PDGFRL: variants seen among roughly 807,000 people sequenced by gnomAD.
PDGFRL encodes platelet derived growth factor receptor like.
Under a neutral mutation model 37.2 loss-of-function variants are expected in PDGFRL, and 46 were observed. The observed-to-expected ratio is 1.24, with a 90% confidence interval of 0.98 to 1.58. PDGFRL has a LOEUF of 1.58. Among genes scored for constraint, PDGFRL ranks in the 40% most tolerant of loss-of-function variants. The pLI is 0.00. For missense variants in PDGFRL, 692 were observed against 467.6 expected, an observed-to-expected ratio of 1.48 and a Z score of -4.43; for synonymous variants, 251 against 184.3, an observed-to-expected ratio of 1.36 and a Z score of -2.93.
chr8:17,623,459 G>C (rs1804671323), intron 3 of PDGFRL, among the ~76,000 whole-genome samples: 2 of 152,230 alleles, frequency 1.3e-5, no homozygotes, highest in African/African-American at 4.8e-5. Context: ...GTCAATGACT[G>C]ATTCCACATT....
intron 3 of PDGFRL, among the ~76,000 whole-genome samples, chr8:17,624,674 C>G (rs545663629): frequency 6.6e-6 from 1 of 152,266 alleles, no homozygotes; most frequent in African/African-American, 2.4e-5. Flanking sequence ...TTTGGGAAGC[C>G]GAGGCAGGCG....
intron 2 of PDGFRL, among the ~76,000 whole-genome samples, chr8:17,611,209 GA>G: frequency 1.3e-5 from 2 of 152,246 alleles, no homozygotes; most frequent in East Asian, 3.9e-4. Context: ...CCAACCAGAT[GA>G]TCTTTAAGGT....
intron 2 of PDGFRL, among the ~76,000 whole-genome samples, chr8:17,597,918 G>A (rs1171319003): frequency 6.6e-6 from 1 of 152,174 alleles, no homozygotes; most frequent in Non-Finnish European, 1.5e-5. Flanking sequence ...GGATTTTTAT[G>A]TAGATCTCCT....
At chr8:17,611,441 G>A (rs1804409580) in intron 2 of PDGFRL, among the ~76,000 whole-genome samples, 1 of 152,230 alleles carries the variant, frequency 6.6e-6, no homozygotes, top group Non-Finnish European at 1.5e-5. Context: ...ACTCCTGAGT[G>A]CATGCTCTTA....
chr8:17,634,292 C>T (rs1804925008), intron 5 of PDGFRL, 79 bp downstream of exon 5: 2 of 1,169,430 alleles, frequency 1.7e-6, no homozygotes, highest in Non-Finnish European at 1.2e-6. Context: ...ACAGCTTCGT[C>T]CCCACCCAGT....
chr8:17,584,019 C>T (rs1333403674), intron 1 of PDGFRL, among the ~76,000 whole-genome samples: 3 of 152,260 alleles, frequency 2.0e-5, no homozygotes, highest in African/African-American at 7.2e-5. Context: ...CAGTGGAAGC[C>T]AGGGGCTGCT....
chr8:17,602,450 G>C (rs1380225674), intron 2 of PDGFRL, among the ~76,000 whole-genome samples: 2 of 152,190 alleles, frequency 1.3e-5, no homozygotes, highest in African/African-American at 4.8e-5. Context: ...CGGTCTGATG[G>C]AGGTAGCTTC....
At chr8:17,628,412 C>T in intron 3 of PDGFRL, 75 bp from the exon 4 acceptor site, 1 of 1,156,072 alleles carries the variant, frequency 8.6e-7, no homozygotes, top group Non-Finnish European at 1.3e-6. Flanking sequence ...TCAGAGTATG[C>T]TGCCAAAATC....
At chr8:17,609,736 TGATGTG>T (rs1401209125) in intron 2 of PDGFRL, among the ~76,000 whole-genome samples, 1 of 149,970 alleles carries the variant, frequency 6.7e-6, no homozygotes, top group Non-Finnish European at 1.5e-5. Flanking sequence ...GGAGAACCAC[TGATGTG>T]GCTTGAACCC....
At chr8:17,585,378 ATC>A (rs1373894870) in intron 1 of PDGFRL, among the ~76,000 whole-genome samples, 1 of 152,062 alleles carries the variant, frequency 6.6e-6, no homozygotes, top group African/African-American at 2.4e-5. Flanking sequence ...TCTGGTTCGA[ATC>A]TCTGACAGTA....
At chr8:17,616,724 TAGG>T (rs1804537670) in intron 2 of PDGFRL, among the ~76,000 whole-genome samples, 1 of 152,156 alleles carries the variant, frequency 6.6e-6, no homozygotes. Context: ...GCATGTTGTG[TAGG>T]AGAACTCGGG....
At chr8:17,580,299 A>T (rs993181476) in intron 1 of PDGFRL, among the ~76,000 whole-genome samples, 1 of 152,122 alleles carries the variant, frequency 6.6e-6, no homozygotes, top group Non-Finnish European at 1.5e-5. Flanking sequence ...AGCCTTTGAC[A>T]CTTTCGTGTC....
chr8:17,595,502 T>A (rs2150817302), intron 2 of PDGFRL, among the ~76,000 whole-genome samples: 3 of 152,314 alleles, frequency 2.0e-5, no homozygotes, highest in Middle Eastern at 6.8e-3. Context: ...CTGTCTGGCC[T>A]GGAGGTTTCT....
chr8:17,580,679 C>T lies in PDGFRL; in HGVS notation c.55+3372C>T, dbSNP rs1055661501. On this transcript the variant is annotated intron_variant, in intron 1 of 5. Transcript: ENST00000251630. Reference sequence around the variant, plus strand: ...TCATGAATCAGGGTCTATTAGGTTCCTAGGGCTGCCATAACAAAGTACCAC... The same window carrying T: ...TCATGAATCAGGGTCTATTAGGTTCTTAGGGCTGCCATAACAAAGTACCAC... Among the ~76,000 whole-genome samples, 4 of 152,096 alleles carry T rather than the reference C, an allele frequency of 2.6e-5. No individual in the cohort carries two copies. The South Asian group carries it at 8.3e-4, about 32-fold the overall frequency.
intron 2 of PDGFRL, among the ~76,000 whole-genome samples, chr8:17,608,209 A>G (rs1345630510): frequency 1.3e-5 from 2 of 152,040 alleles, no homozygotes; most frequent in African/African-American, 2.4e-5. Context: ...ACCACATCCT[A>G]CTGTCCAAAG....
At chr8:17,631,940 G>A (rs1804869653) in intron 4 of PDGFRL, among the ~76,000 whole-genome samples, 1 of 152,200 alleles carries the variant, frequency 6.6e-6, no homozygotes, top group Admixed American at 6.5e-5. Flanking sequence ...TAACTCCCAA[G>A]TGAACGGAAG....
In PDGFRL at chr8:17,642,948, C is replaced by A; in HGVS notation, c.*147C>A. On this transcript the variant is annotated 3_prime_UTR_variant, in exon 6 of 6. Transcript: ENST00000251630. ...GTCTCGTGAGTCCGACCCAGACATC[C>A]AAACTAAAAGGAAGTCATCCAGTCT... 2 of 590,208 alleles carry A rather than the reference C, an allele frequency of 3.4e-6. No individual in the cohort carries two copies. The highest frequency in any genetic ancestry group is 6.0e-6 in the Non-Finnish European group (2 of 335,288). The allele number at this position is 590,208 out of a possible 1,614,324, so 36.6% of individuals were successfully genotyped here.
intron 2 of PDGFRL, among the ~76,000 whole-genome samples, chr8:17,613,302 T>C (rs1191042562): frequency 6.6e-6 from 1 of 152,194 alleles, no homozygotes; most frequent in Non-Finnish European, 1.5e-5. Context: ...CGCTTCTCAT[T>C]TTCTCAGAGT....
At chr8:17,577,175 C>A, upstream of PDGFRL, 1 of 1,557,214 alleles carries the variant, frequency 6.4e-7, no homozygotes, top group Admixed American at 1.9e-5. Context: ...GGAGCCCGCC[C>A]CTCGCCCGCC....
Sources: gnomAD v4.1 joint callset for allele counts (sites outside exome capture counted in the v4.1 genomes callset) on GRCh38, gnomAD v4.1.1 for gene constraint, MANE v1.5 for transcripts, NCBI Gene and HGNC (gene_info 2026-07-23, HGNC 2026-07-21) for gene names.